Variants in ROBO2 observed in about 807,000 individuals in gnomAD.
ROBO2 encodes the protein roundabout homolog 2.
A neutral mutation model predicts 160.8 loss-of-function variants in ROBO2; 53 were observed. The ratio of observed to expected loss-of-function variants is 0.33; its 90% CI spans 0.26 to 0.41. The LOEUF (loss-of-function observed/expected upper bound fraction) is 0.41, where lower values mean the gene tolerates loss of function less well. ROBO2 is among the 10% of genes least tolerant of loss of function. The pLI, the probability that ROBO2 is intolerant of heterozygous loss-of-function variation, is 1.00. For synonymous variants in ROBO2, 664 were observed against 611.7 expected, an observed-to-expected ratio of 1.09 and a Z score of -1.26; for missense variants, 1,577 against 1,722.4, an observed-to-expected ratio of 0.92 and a Z score of 1.49.
At position 76,363,950 on chromosome 3, in the gene ROBO2, A is replaced by G. The variant is rs184902890; in HGVS notation, c.109+426348A>G. On this transcript the variant is annotated intron_variant, in intron 2 of 26. Transcript: ENST00000487694. ...AACCTTGGTCACAGAAAGCTCAGGC[A>G]GTAACTTTTATATAACATCAATCAA... Among the ~76,000 whole-genome samples the G allele has an allele frequency of 4.6e-5, 7 of 152,228 alleles. No homozygotes were observed. In the East Asian group the frequency reaches 1.2e-3, roughly 25 times the overall value.
At chr3:76,790,309 G>A (rs1446644145) in intron 2 of ROBO2, among the ~76,000 whole-genome samples, 2 of 151,726 alleles carry the variant, frequency 1.3e-5, no homozygotes, top group East Asian at 2.0e-4. Flanking sequence ...GACAATTATA[G>A]GAACTTGCCA....
At chr3:77,201,024 T>C (rs933595882) in intron 2 of ROBO2, among the ~76,000 whole-genome samples, 44 of 152,228 alleles carry the variant, frequency 2.9e-4, no homozygotes, top group Admixed American at 2.9e-3. Context: ...TTTCTAGTTA[T>C]CATATATGAA....
chr3:76,376,277 A>G (rs959381330), intron 2 of ROBO2, among the ~76,000 whole-genome samples: 1 of 152,108 alleles, frequency 6.6e-6, no homozygotes, highest in African/African-American at 2.4e-5. Context: ...GTCCCAGTGG[A>G]TTCAGCAAAA....
chr3:75,931,017 G>T (rs1210706585), intron 1 of ROBO2, among the ~76,000 whole-genome samples: 2 of 152,116 alleles, frequency 1.3e-5, no homozygotes, highest in African/African-American at 4.8e-5. Flanking sequence ...TGGTGTACTT[G>T]GACTAAGACC....
chr3:77,291,931 T>C (rs879647118), intron 2 of ROBO2, among the ~76,000 whole-genome samples: 37 of 149,212 alleles, frequency 2.5e-4, no homozygotes, highest in Admixed American at 6.0e-4. Flanking sequence ...TGAAGTAAAA[T>C]TGACGGCTAA....
chr3:76,171,400 GAAGTC>G (rs1267661802), intron 2 of ROBO2, among the ~76,000 whole-genome samples: 1 of 151,774 alleles, frequency 6.6e-6, no homozygotes. Flanking sequence ...GTGGGAAAGG[GAAGTC>G]AAACCTTGAA....
chr3:77,607,653 G>A (rs2094550618), intron 20 of ROBO2, 145 bp from the exon 22 acceptor site: 11 of 764,654 alleles, frequency 1.4e-5, no homozygotes, highest in Non-Finnish European at 2.4e-5. Flanking sequence ...ATGTTTTTCT[G>A]ATTATATCAT....
intron 2 of ROBO2, among the ~76,000 whole-genome samples, chr3:77,245,324 C>A (rs1274136986): frequency 6.6e-6 from 1 of 152,146 alleles, no homozygotes; most frequent in Non-Finnish European, 1.5e-5. Context: ...ATTGCTACAT[C>A]ATCTGTTCTA....
intron 2 of ROBO2, among the ~76,000 whole-genome samples, chr3:76,208,521 T>G (rs1419930818): frequency 6.6e-6 from 1 of 152,136 alleles, no homozygotes; most frequent in Non-Finnish European, 1.5e-5. Context: ...ACACCAAAGA[T>G]CTTAGACACG....
intron 2 of ROBO2, among the ~76,000 whole-genome samples, chr3:76,719,010 T>C (rs1021141163): frequency 1.3e-5 from 2 of 152,204 alleles, no homozygotes; most frequent in Non-Finnish European, 2.9e-5. Flanking sequence ...ATGTTACCCA[T>C]CATTCCTTTA....
chr3:76,361,297 G>A (rs1362780645), intron 2 of ROBO2, among the ~76,000 whole-genome samples: 1 of 152,042 alleles, frequency 6.6e-6, no homozygotes, highest in Non-Finnish European at 1.5e-5. Context: ...TAGATGCCAT[G>A]TGTGCTTTTC....
chr3:76,886,519 T>A (rs1256495323), intron 2 of ROBO2, among the ~76,000 whole-genome samples: 1 of 152,032 alleles, frequency 6.6e-6, no homozygotes, highest in African/African-American at 2.4e-5. Context: ...AAGGAGGGAA[T>A]GTAGGTTTTC....
chr3:76,098,830 T>C (rs1469930914), intron 2 of ROBO2, among the ~76,000 whole-genome samples: 1 of 152,128 alleles, frequency 6.6e-6, no homozygotes, highest in Non-Finnish European at 1.5e-5. Context: ...CGAGTTCATG[T>C]TCTGAAAGCT....
rs558547656 is a variant in ROBO2, at chr3:76,134,529, AAAG to A, written c.109+196932_109+196934del. On this transcript the variant is annotated intron_variant, in intron 2 of 26. Transcript: ENST00000487694. The stretch of plus-strand genomic sequence containing the variant: ...TTGACAGTATCAGGAAAACCCTTTA[AAAG>A]AAGATCTGGCGATCAGAGAATCTCT... Among the ~76,000 whole-genome samples, 1,401 of 152,168 alleles carry A rather than the reference AAAG, an allele frequency of 9.2e-3. 13 individuals are homozygous for A. Among genetic ancestry groups the A allele is most frequent in the Middle Eastern group, 0.017 (5 of 294 alleles).
chr3:77,218,910 G>T (rs969904973), intron 2 of ROBO2, among the ~76,000 whole-genome samples: 2 of 152,086 alleles, frequency 1.3e-5, no homozygotes, highest in Non-Finnish European at 1.5e-5. Flanking sequence ...AAATGTTCTT[G>T]AATGAGTGGA....
chr3:76,151,337 G>A (rs2072191646), intron 2 of ROBO2, among the ~76,000 whole-genome samples: 1 of 151,902 alleles, frequency 6.6e-6, no homozygotes, highest in Non-Finnish European at 1.5e-5. Context: ...CTCTAAAATG[G>A]GATACATATA....
intron 2 of ROBO2, among the ~76,000 whole-genome samples, chr3:75,977,408 T>G (rs927121469): frequency 1.3e-5 from 2 of 151,628 alleles, no homozygotes; most frequent in Non-Finnish European, 3.0e-5. Context: ...AATAGTTAAT[T>G]GTAGACATAA....
chr3:76,556,472 T>C (rs1233424549), intron 2 of ROBO2, among the ~76,000 whole-genome samples: 1 of 152,152 alleles, frequency 6.6e-6, no homozygotes, highest in African/African-American at 2.4e-5. Flanking sequence ...ATGTAAGTGA[T>C]TTGGTATTCT....
At chr3:77,230,350 C>T (rs2087016911) in intron 2 of ROBO2, among the ~76,000 whole-genome samples, 1 of 152,074 alleles carries the variant, frequency 6.6e-6, no homozygotes, top group African/African-American at 2.4e-5. Context: ...TCCTAAATTG[C>T]TGGGATTACA....
Sources: gnomAD v4.1 joint callset for allele counts (sites outside exome capture counted in the v4.1 genomes callset) on GRCh38, gnomAD v4.1.1 for gene constraint, MANE v1.5 for transcripts, NCBI Gene and HGNC (gene_info 2026-07-23, HGNC 2026-07-21) for gene names.